ASCC3: variants seen among roughly 807,000 people sequenced by gnomAD.
ASCC3 encodes activating signal cointegrator 1 complex subunit 3.
ASCC3 carries 158 observed loss-of-function variants against 256.3 expected under a neutral mutation model. That is an observed-to-expected ratio of 0.62 (90% confidence interval 0.54 to 0.70). The LOEUF is 0.70. ASCC3 is among the 30% of genes least tolerant of loss of function. The probability of loss-of-function intolerance (pLI) is 0.00; values close to 1 mark genes in which losing one functional copy is unlikely to be tolerated. For synonymous variants in ASCC3, 948 were observed against 883.4 expected, an observed-to-expected ratio of 1.07 and a Z score of -1.30; for missense variants, 2,259 against 2,626.0, an observed-to-expected ratio of 0.86 and a Z score of 3.05.
At chr6:100,763,656 G>C (rs1311308380) in intron 10 of ASCC3, among the ~76,000 whole-genome samples, 3 of 152,188 alleles carry the variant, frequency 2.0e-5, no homozygotes, top group Non-Finnish European at 4.4e-5. Flanking sequence ...GTTTACTTAT[G>C]TCTCTGGAAA....
intron 13 of ASCC3, among the ~76,000 whole-genome samples, chr6:100,713,380 G>A (rs1289281657): frequency 6.6e-6 from 1 of 152,080 alleles, no homozygotes; most frequent in African/African-American, 2.4e-5. Flanking sequence ...ACAAAACTAT[G>A]GAGAGAGTAA....
At chr6:100,582,022 T>C (rs1009050419) in intron 36 of ASCC3, among the ~76,000 whole-genome samples, 1 of 152,192 alleles carries the variant, frequency 6.6e-6, no homozygotes, top group South Asian at 2.1e-4. Context: ...GGTAGTGTGA[T>C]GCCTCCAGCT....
chr6:100,638,664 C>G lies in ASCC3; in HGVS notation c.4059G>C (p.Ser1353=). 6.2e-7 allele frequency: 1 copy of G among 1,613,946 alleles called. No homozygotes were observed. Among genetic ancestry groups the G allele is most frequent in the South Asian group, 1.1e-5 (1 of 91,074 alleles). Residue 1353 remains serine, a synonymous_variant, in exon 25 of 42, where the codon TCG becomes TCC. Coordinates refer to ENST00000369162, the MANE Select transcript of ASCC3 (RefSeq NM_006828.4). ...CNVLLGAPTG[S]GKTVAAELAI... is the part of the protein sequence containing the mutation. ...CTAATTCAGCTGCAACAGTCTTTCC[C>G]GATCCAGTAGGTGCTCCAAGTAGGA...
intron 10 of ASCC3, among the ~76,000 whole-genome samples, chr6:100,745,320 C>G (rs1021602399): frequency 6.7e-6 from 1 of 149,710 alleles, no homozygotes; most frequent in African/African-American, 2.5e-5. Flanking sequence ...GAGCGAGACT[C>G]CATCTCAAAA....
chr6:100,705,267 G>C (rs1287309333), intron 13 of ASCC3, among the ~76,000 whole-genome samples: 2 of 152,034 alleles, frequency 1.3e-5, no homozygotes, highest in Non-Finnish European at 2.9e-5. Flanking sequence ...TTAAGGCAAA[G>C]TTGCACATAA....
At position 100,687,032 on chromosome 6, in the gene ASCC3, T is replaced by TCACACACACACA. The variant is rs1305315395; in HGVS notation, c.2152-7281_2152-7280insTGTGTGTGTGTG. On this transcript the variant is annotated intron_variant, in intron 13 of 41. Coordinates refer to ENST00000369162, the MANE Select transcript of ASCC3 (RefSeq NM_006828.4). ...TTAAATCTCTCTCTCTCTCTCTCTC[T>TCACACACACACA]CTCACACACACACACACACACACAC... 4.0e-3 allele frequency among the ~76,000 whole-genome samples: 535 copies of TCACACACACACA among 132,102 alleles called. 1 individual carries two copies. The highest frequency in any genetic ancestry group is 7.3e-3 in the Admixed American group (92 of 12,606). 86.7% of individuals were successfully genotyped at this position (132,102 alleles called of 152,430 possible).
At chr6:100,527,743 A>T (rs1177115121) in intron 37 of ASCC3, among the ~76,000 whole-genome samples, 1 of 152,066 alleles carries the variant, frequency 6.6e-6, no homozygotes, top group African/African-American at 2.4e-5. Context: ...AAAAATACCC[A>T]CATCGTTATA....
intron 13 of ASCC3, among the ~76,000 whole-genome samples, chr6:100,708,316 T>C (rs1208455019): frequency 6.6e-6 from 1 of 152,202 alleles, no homozygotes; most frequent in East Asian, 1.9e-4. Context: ...AGTTTAAATG[T>C]AGGACTTTAC....
At position 100,798,975 on chromosome 6, in the gene ASCC3, A is replaced by G. The variant is rs1480109303; in HGVS notation, c.1270-137T>C. ...GGTAAATAAACTTAGCTAATTTAAA[A>G]GAAAACAAACTTAAATAAAACAAAA... On this transcript the variant is annotated intron_variant, in intron 7 of 41. Transcript: ENST00000369162. The G allele has an allele frequency of 3.5e-6, 3 of 849,576 alleles. No homozygotes were observed. In the African/African-American group the frequency reaches 5.7e-5, roughly 16 times the overall value. 52.6% of individuals were successfully genotyped at this position (849,576 alleles called of 1,614,324 possible). A position where few individuals can be genotyped will look rare whatever the true frequency, so the allele number is the denominator to read the frequency against.
In ASCC3 at chr6:100,651,306, C is replaced by T. The variant is rs116403786; in HGVS notation, c.3075+254G>A. 0.015 allele frequency among the ~76,000 whole-genome samples: 2,236 copies of T among 151,954 alleles called. 41 individuals are homozygous for T. The highest frequency in any genetic ancestry group is 0.051 in the African/African-American group (2,134 of 41,518). ...ATTGCAATAAACCAAAATCTTCATA[C>T]TACATTCTTCAACAGTTTCATTACT... On this transcript the variant is annotated intron_variant, in intron 19 of 41. Coordinates refer to ENST00000369162, the MANE Select transcript of ASCC3 (RefSeq NM_006828.4).
Position 100,718,257 on chromosome 6 carries a change from T to C in ASCC3, c.1903-6A>G, listed in dbSNP as rs1562247016. 2 of 1,586,378 alleles carry C rather than the reference T, an allele frequency of 1.3e-6. No homozygotes were observed. Among genetic ancestry groups the C allele is most frequent in the Non-Finnish European group, 8.6e-7 (1 of 1,164,520 alleles). On this transcript the variant is annotated splice_region_variant and splice_polypyrimidine_tract_variant and intron_variant, in intron 11 of 41. Coordinates refer to ENST00000369162, the MANE Select transcript of ASCC3 (RefSeq NM_006828.4). ...ATACTCTGTGTGGATTCCACCTATA[T>C]GGATTATTTTAATTAAATATGGGTT...
intron 5 of ASCC3, among the ~76,000 whole-genome samples, chr6:100,804,463 C>G (rs1444144865): frequency 1.3e-5 from 2 of 151,660 alleles, no homozygotes; most frequent in African/African-American, 4.8e-5. Flanking sequence ...TAATTAGGTC[C>G]CACTTGTCAA....
rs1166663609 is a variant in ASCC3, at chr6:100,799,579, A to G, written c.1128-7T>C. On this transcript the variant is annotated splice_polypyrimidine_tract_variant and splice_region_variant and intron_variant, in intron 6 of 41. Coordinates refer to ENST00000369162, the MANE Select transcript of ASCC3 (RefSeq NM_006828.4). ...ATTCAGAAGTGCCTGTTCTCTGTAA[A>G]CATAAAAATAGGCCTAATTTGAAAT... is the stretch of plus-strand genomic sequence containing the variant. 6.2e-7 allele frequency: 1 copy of G among 1,610,896 alleles called. No individual in the cohort carries two copies.
chr6:100,580,620 T>G (rs1771173065), intron 36 of ASCC3, among the ~76,000 whole-genome samples: 1 of 151,966 alleles, frequency 6.6e-6, no homozygotes, highest in East Asian at 1.9e-4. Context: ...TTAGGGTACA[T>G]GTGCACAATG....
chr6:100,852,719 TAAG>T (rs1427204432), intron 3 of ASCC3, among the ~76,000 whole-genome samples: 1 of 152,112 alleles, frequency 6.6e-6, no homozygotes, highest in Non-Finnish European at 1.5e-5. Context: ...ATATAAAACT[TAAG>T]AACTCCAAAC....
chr6:100,631,009 A>G, intron 26 of ASCC3, 119 bp downstream of exon 26: 1 of 703,880 alleles, frequency 1.4e-6, no homozygotes. Flanking sequence ...ACCATTCAGC[A>G]GTTAAATAAA....
intron 14 of ASCC3, among the ~76,000 whole-genome samples, chr6:100,669,427 A>T (rs1776635187): frequency 6.6e-6 from 1 of 151,344 alleles, no homozygotes; most frequent in Admixed American, 6.6e-5. Flanking sequence ...ATCCATATAA[A>T]GTTTTATAAT....
intron 8 of ASCC3, among the ~76,000 whole-genome samples, chr6:100,791,210 C>T (rs116092505): frequency 0.019 from 2,947 of 151,838 alleles, 89 homozygotes; most frequent in African/African-American, 0.068. Flanking sequence ...AAAGCATGTA[C>T]CACACTGAAT....
chr6:100,703,879 C>T (rs1469625477), intron 13 of ASCC3, among the ~76,000 whole-genome samples: 1 of 151,638 alleles, frequency 6.6e-6, no homozygotes, highest in Non-Finnish European at 1.5e-5. Flanking sequence ...AAAAGGGCCA[C>T]TGTTAATGAA....
Sources: gnomAD v4.1 joint callset for allele counts (sites outside exome capture counted in the v4.1 genomes callset) on GRCh38, gnomAD v4.1.1 for gene constraint, MANE v1.5 for transcripts, NCBI Gene and HGNC (gene_info 2026-07-23, HGNC 2026-07-21) for gene names.